MARCHF1: variants seen among roughly 807,000 people sequenced by gnomAD.
The protein encoded by MARCHF1 is membrane associated ring-CH-type finger 1.
A neutral mutation model predicts 54.2 loss-of-function variants in MARCHF1; 40 were observed. That is an observed-to-expected ratio of 0.74 (90% CI 0.57 to 0.96). The LOEUF (loss-of-function observed/expected upper bound fraction) is 0.96. Ranked by LOEUF, MARCHF1 falls within the 40% of genes least tolerant of loss-of-function variation. The probability of loss-of-function intolerance (pLI) is 0.00; values close to 1 mark genes in which losing one functional copy is unlikely to be tolerated. For synonymous variants in MARCHF1, 236 were observed against 236.3 expected, an observed-to-expected ratio of 1.00 and a Z score of 0.01; for missense variants, 586 against 656.5, an observed-to-expected ratio of 0.89 and a Z score of 1.17.
At chr4:164,034,267 T>C (rs1753947942) in intron 2 of MARCHF1, among the ~76,000 whole-genome samples, 1 of 151,986 alleles carries the variant, frequency 6.6e-6, no homozygotes. Flanking sequence ...CACTCATAAG[T>C]GGAAGTTGAA....
intron 1 of MARCHF1, among the ~76,000 whole-genome samples, chr4:164,175,914 G>A (rs1730651163): frequency 6.6e-6 from 1 of 152,040 alleles, no homozygotes; most frequent in Non-Finnish European, 1.5e-5. Context: ...ATACACCCCT[G>A]TAATCTTTTC....
intron 5 of MARCHF1, among the ~76,000 whole-genome samples, chr4:163,619,422 G>T (rs1741609244): frequency 6.6e-6 from 1 of 152,080 alleles, no homozygotes; most frequent in African/African-American, 2.4e-5. Flanking sequence ...AAGATCAACT[G>T]AAAAAGTGAC....
intron 2 of MARCHF1, among the ~76,000 whole-genome samples, chr4:164,063,701 A>G (rs1352179071): frequency 6.6e-6 from 1 of 152,198 alleles, no homozygotes; most frequent in Non-Finnish European, 1.5e-5. Context: ...TAGCATTTTT[A>G]TATTCCAAAT....
intron 1 of MARCHF1, among the ~76,000 whole-genome samples, chr4:164,262,998 T>C (rs1437320453): frequency 6.6e-6 from 1 of 152,112 alleles, no homozygotes; most frequent in Non-Finnish European, 1.5e-5. Flanking sequence ...AATAAGTAAG[T>C]TACAAATGGC....
At chr4:163,628,001 A>AT (rs1380681014) in intron 5 of MARCHF1, among the ~76,000 whole-genome samples, 2 of 152,180 alleles carry the variant, frequency 1.3e-5, no homozygotes, top group African/African-American at 2.4e-5. Flanking sequence ...CACAGGAAAA[A>AT]TCTTTGTGAT....
At chr4:163,921,635 T>C (rs1446501417) in intron 3 of MARCHF1, among the ~76,000 whole-genome samples, 2 of 152,162 alleles carry the variant, frequency 1.3e-5, no homozygotes, top group Non-Finnish European at 2.9e-5. Flanking sequence ...CTCACATTGT[T>C]ACAGCTGTGT....
At chr4:164,133,115 T>C (rs1274059701) in intron 1 of MARCHF1, among the ~76,000 whole-genome samples, 2 of 152,100 alleles carry the variant, frequency 1.3e-5, no homozygotes. Context: ...CTGACTGGTG[T>C]ATTTGGGAGA....
At chr4:163,814,124 T>C (rs1196048802) in intron 4 of MARCHF1, among the ~76,000 whole-genome samples, 2 of 152,184 alleles carry the variant, frequency 1.3e-5, no homozygotes, top group African/African-American at 2.4e-5. Flanking sequence ...AGTAGCAGAA[T>C]ATGTTCCATC....
chr4:164,160,973 G>A (rs1490341335), intron 1 of MARCHF1, among the ~76,000 whole-genome samples: 1 of 152,104 alleles, frequency 6.6e-6, no homozygotes, highest in African/African-American at 2.4e-5. Flanking sequence ...AGAATAACAT[G>A]ATAGTTTTTG....
intron 3 of MARCHF1, among the ~76,000 whole-genome samples, chr4:163,926,505 A>T (rs1237860104): frequency 1.3e-5 from 2 of 151,598 alleles, no homozygotes; most frequent in Non-Finnish European, 3.0e-5. Context: ...AATACATAGT[A>T]ATGGAATTTC....
intron 5 of MARCHF1, among the ~76,000 whole-genome samples, chr4:163,648,419 G>C (rs1742837845): frequency 6.6e-6 from 1 of 151,188 alleles, no homozygotes; most frequent in Non-Finnish European, 1.5e-5. Flanking sequence ...CTGAACGTTG[G>C]TGAATCAGCA....
chr4:163,559,887 C>T (rs1411024018), intron 8 of MARCHF1, among the ~76,000 whole-genome samples: 1 of 152,134 alleles, frequency 6.6e-6, no homozygotes. Flanking sequence ...AATCTAGTGG[C>T]ATGTCTTAAA....
chr4:163,897,857 C>A lies in MARCHF1; in HGVS notation c.-38-43688G>T, dbSNP rs563442156. Among the ~76,000 whole-genome samples the A allele has an allele frequency of 3.7e-4, 56 of 151,628 alleles. No individual in the cohort carries two copies. In the South Asian group the frequency reaches 0.011, roughly 30 times the overall value. On this transcript the variant is annotated intron_variant, in intron 3 of 9. Transcript: ENST00000514618. The stretch of plus-strand genomic sequence containing the variant: ...GGATCACGAGGTCAGGAGATCAAGA[C>A]CATCCTGACTAACATGATGAAACCC...
Position 163,542,219 on chromosome 4 carries a change from T to A in MARCHF1, c.1339+3377A>T, listed in dbSNP as rs149733375. On this transcript the variant is annotated intron_variant, in intron 9 of 9. Transcript: ENST00000514618. Reference sequence around the variant, plus strand: ...CCCACAGCTGAGAAAGAAAAAAATATTTTGAAAACAATTCTAAAAGAAAAA... The same window carrying A: ...CCCACAGCTGAGAAAGAAAAAAATAATTTGAAAACAATTCTAAAAGAAAAA... 3.1e-3 allele frequency among the ~76,000 whole-genome samples: 473 copies of A among 152,292 alleles called. 3 individuals carry two copies. Among genetic ancestry groups the A allele is most frequent in the African/African-American group, 0.011 (443 of 41,550 alleles).
intron 9 of MARCHF1, among the ~76,000 whole-genome samples, chr4:163,537,378 C>A (rs1265737165): frequency 6.6e-6 from 1 of 152,188 alleles, no homozygotes; most frequent in Non-Finnish European, 1.5e-5. Flanking sequence ...GGCACTAAAT[C>A]TTTTCCCTGG....
At chr4:163,929,545 T>C (rs917593916) in intron 3 of MARCHF1, among the ~76,000 whole-genome samples, 1 of 151,992 alleles carries the variant, frequency 6.6e-6, no homozygotes, top group Non-Finnish European at 1.5e-5. Flanking sequence ...TAAGTATTTT[T>C]TTTCCCTTCA....
chr4:163,632,112 T>C (rs1310933733), intron 5 of MARCHF1, among the ~76,000 whole-genome samples: 2 of 152,122 alleles, frequency 1.3e-5, no homozygotes, highest in Non-Finnish European at 1.5e-5. Context: ...TGTGGAGAAA[T>C]TGGAACCCTT....
At chr4:163,756,222 A>G (rs1276840498) in intron 4 of MARCHF1, among the ~76,000 whole-genome samples, 2 of 152,160 alleles carry the variant, frequency 1.3e-5, no homozygotes, top group Non-Finnish European at 2.9e-5. Context: ...ACTTTGTCCA[A>G]AGTTATAGAG....
chr4:163,983,603 A>T (rs1374332849), intron 3 of MARCHF1, among the ~76,000 whole-genome samples: 1 of 152,184 alleles, frequency 6.6e-6, no homozygotes, highest in Non-Finnish European at 1.5e-5. Context: ...GTGTCTGAAA[A>T]AAAGATTGCT....
Sources: gnomAD v4.1 joint callset for allele counts (sites outside exome capture counted in the v4.1 genomes callset) on GRCh38, gnomAD v4.1.1 for gene constraint, MANE v1.5 for transcripts, NCBI Gene and HGNC (gene_info 2026-07-23, HGNC 2026-07-21) for gene names.